Variants in SORCS2 observed in about 807,000 individuals in gnomAD.
The protein encoded by SORCS2 is VPS10 domain-containing receptor SorCS2.
In SORCS2, 100 loss-of-function variants were observed where a neutral mutation model predicts 141.6. That is an observed-to-expected ratio of 0.71 (90% CI 0.60 to 0.83). The LOEUF (loss-of-function observed/expected upper bound fraction) is 0.83. Ranked by LOEUF, SORCS2 falls within the 40% of genes least tolerant of loss-of-function variation. The pLI, the probability that SORCS2 is intolerant of heterozygous loss-of-function variation, is 0.00. For missense variants in SORCS2, 1,646 were observed against 1,560.2 expected (o/e 1.05, Z -0.93); for synonymous variants, 789 against 676.9 (o/e 1.17, Z -2.57).
At chr4:7,711,765 C>T (rs747001934) in intron 14 of SORCS2, among the ~76,000 whole-genome samples, 5 of 152,222 alleles carry the variant, frequency 3.3e-5, no homozygotes, top group African/African-American at 1.2e-4. Context: ...CTCTGTGCCT[C>T]GGCTTTCCAT....
At chr4:7,225,624 T>C (rs973097994) in intron 1 of SORCS2, among the ~76,000 whole-genome samples, 1 of 152,132 alleles carries the variant, frequency 6.6e-6, no homozygotes, top group Non-Finnish European at 1.5e-5. Flanking sequence ...TGATTTCCAC[T>C]TGAGCTCCAG....
chr4:7,284,158 G>C (rs1320222228), intron 1 of SORCS2, among the ~76,000 whole-genome samples: 4 of 152,148 alleles, frequency 2.6e-5, no homozygotes, highest in African/African-American at 9.7e-5. Context: ...CTTCACTCAA[G>C]CACGAAGCTC....
chr4:7,384,844 C>A (rs1422720963), intron 1 of SORCS2, among the ~76,000 whole-genome samples: 3 of 152,220 alleles, frequency 2.0e-5, no homozygotes, highest in Non-Finnish European at 4.4e-5. Context: ...CAGAGGAGAG[C>A]CCTTTGCGGA....
At chr4:7,254,144 A>G (rs6813723) in intron 1 of SORCS2, among the ~76,000 whole-genome samples, 3,933 of 152,318 alleles carry the variant, frequency 0.026, 189 homozygotes, top group African/African-American at 0.09. Flanking sequence ...AAATAGAACA[A>G]TCATTAGCTC....
intron 17 of SORCS2, among the ~76,000 whole-genome samples, chr4:7,716,490 A>T (rs374549218): frequency 6.6e-6 from 1 of 152,060 alleles, no homozygotes; most frequent in Admixed American, 6.6e-5. Flanking sequence ...CCATCTATCC[A>T]TTCAGTTACC....
chr4:7,275,959 G>T (rs929643637), intron 1 of SORCS2, among the ~76,000 whole-genome samples: 1 of 152,196 alleles, frequency 6.6e-6, no homozygotes, highest in Admixed American at 6.5e-5. Flanking sequence ...CCAGGCAAGT[G>T]CCTGGACCGA....
At chr4:7,426,801 G>C (rs917575728) in intron 2 of SORCS2, among the ~76,000 whole-genome samples, 4 of 152,204 alleles carry the variant, frequency 2.6e-5, no homozygotes, top group Non-Finnish European at 5.9e-5. Flanking sequence ...GTGGTGAGGC[G>C]AGGCCCTCCC....
chr4:7,610,632 G>A (rs1718346231), intron 3 of SORCS2, among the ~76,000 whole-genome samples: 1 of 152,216 alleles, frequency 6.6e-6, no homozygotes, highest in Admixed American at 6.5e-5. Flanking sequence ...GCAGAGTGGT[G>A]TGGAGGGGGC....
chr4:7,629,545 A>G (rs993898554), intron 3 of SORCS2, among the ~76,000 whole-genome samples: 3 of 150,028 alleles, frequency 2.0e-5, no homozygotes, highest in Non-Finnish European at 3.0e-5. Flanking sequence ...GCCACTCTCC[A>G]GCGCCCTACC....
chr4:7,237,747 C>T (rs1294647195), intron 1 of SORCS2, among the ~76,000 whole-genome samples: 2 of 152,124 alleles, frequency 1.3e-5, no homozygotes, highest in Non-Finnish European at 2.9e-5. Flanking sequence ...CATGAGTTTA[C>T]GTCAGATCCT....
intron 1 of SORCS2, among the ~76,000 whole-genome samples, chr4:7,380,142 G>T (rs1722896984): frequency 6.6e-6 from 1 of 152,208 alleles, no homozygotes; most frequent in African/African-American, 2.4e-5. Context: ...AAGCCATGGG[G>T]TGCTGCTGTC....
chr4:7,603,146 A>G (rs1054470545), intron 3 of SORCS2, among the ~76,000 whole-genome samples: 3 of 147,262 alleles, frequency 2.0e-5, no homozygotes, highest in East Asian at 2.2e-4. Context: ...GAGGGAGACC[A>G]TGGAGAGAGA....
intron 1 of SORCS2, among the ~76,000 whole-genome samples, chr4:7,393,193 T>C (rs565892224): frequency 3.3e-4 from 50 of 152,178 alleles, no homozygotes; most frequent in Admixed American, 1.6e-3. Context: ...GCTTGGACAT[T>C]CCTGGCCGTC....
At position 7,504,550 on chromosome 4, in the gene SORCS2, G is replaced by A. The variant is rs189188650; in HGVS notation, c.549-26980G>A. 4.2e-4 allele frequency among the ~76,000 whole-genome samples: 64 copies of A among 152,254 alleles called. 1 individual carries two copies. Among genetic ancestry groups the A allele is most frequent in the East Asian group, 2.7e-3 (14 of 5,176 alleles). On this transcript the variant is annotated intron_variant, in intron 2 of 26. Coordinates refer to ENST00000507866, the MANE Select transcript of SORCS2 (RefSeq NM_020777.3). ...AAGTGGTGCCAGTGTCACTCAGTTCGCCCATGGCTGTGGTGGGATTTGAAC... is the reference window on the plus strand; with the variant it reads ...AAGTGGTGCCAGTGTCACTCAGTTCACCCATGGCTGTGGTGGGATTTGAAC...
chr4:7,696,973 C>G (rs1560491704), intron 11 of SORCS2, among the ~76,000 whole-genome samples: 1 of 152,208 alleles, frequency 6.6e-6, no homozygotes, highest in Non-Finnish European at 1.5e-5. Context: ...TGTCCCGGGC[C>G]TCTGCTGGAG....
intron 1 of SORCS2, among the ~76,000 whole-genome samples, chr4:7,299,493 C>T (rs964525930): frequency 6.6e-6 from 1 of 152,238 alleles, no homozygotes; most frequent in Admixed American, 6.5e-5. Flanking sequence ...CTGGAGATAT[C>T]TTCTTTCCCC....
rs151098232 is a variant in SORCS2, at chr4:7,714,436, G to A, written c.2123+63G>A. On this transcript the variant is annotated intron_variant, in intron 16 of 26. Transcript: ENST00000507866. ...TGCTTGAGCATCCTCACAGCATGGC[G>A]GCCACTTCCCTCAGAGTGAGGGAGG... 1.0e-3 allele frequency: 1,508 copies of A among 1,513,010 alleles called. 30 individuals are homozygous for A. The East Asian group carries it at 0.028, about 28-fold the overall frequency. 93.7% of individuals were successfully genotyped at this position (1,513,010 alleles called of 1,614,324 possible). A position where few individuals can be genotyped will look rare whatever the true frequency, so the allele number is the denominator to read the frequency against.
At chr4:7,194,248 C>G (rs557928118) in intron 1 of SORCS2, among the ~76,000 whole-genome samples, 87 of 152,210 alleles carry the variant, frequency 5.7e-4, no homozygotes, top group African/African-American at 2.0e-3. Flanking sequence ...TCCCAAAGGG[C>G]CAGGGTTCCT....
Position 7,718,027 on chromosome 4 carries a change from G to A in SORCS2, c.2268G>A (p.Val756=), listed in dbSNP as rs1303528332. Residue 756 remains valine, a synonymous_variant, in exon 18 of 27, where the codon GTG becomes GTA. Coordinates refer to ENST00000507866, the MANE Select transcript of SORCS2 (RefSeq NM_020777.3). ...YTSSLGYRKV[V]SNVCEGGVDM... is the part of the protein sequence containing the mutation. ...GTCAATCCAGGTACCGGAAAGTGGT[G>A]TCCAACGTGTGTGAGGGTGGGGTGG... is the stretch of plus-strand genomic sequence containing the variant. The A allele has an allele frequency of 6.2e-7, 1 of 1,606,410 alleles. No homozygotes were observed. The highest frequency in any genetic ancestry group is 2.3e-5 in the East Asian group (1 of 44,250).
Sources: gnomAD v4.1 joint callset for allele counts (sites outside exome capture counted in the v4.1 genomes callset) on GRCh38, gnomAD v4.1.1 for gene constraint, MANE v1.5 for transcripts, NCBI Gene and HGNC (gene_info 2026-07-23, HGNC 2026-07-21) for gene names.